The following VASH1 variants were observed in gnomAD, a reference collection of about 807,000 sequenced individuals.
VASH1 encodes vasohibin 1.
In VASH1, 16 loss-of-function variants were observed where a neutral mutation model predicts 35.0. The observed-to-expected ratio is 0.46, with a 90% CI of 0.31 to 0.70. VASH1 has a LOEUF of 0.70. VASH1 is among the 30% of genes least tolerant of loss of function. The probability of loss-of-function intolerance (pLI) is 0.05; values close to 1 mark genes in which losing one functional copy is unlikely to be tolerated. For synonymous variants in VASH1, 214 were observed against 200.9 expected, an observed-to-expected ratio of 1.07 and a Z score of -0.55; for missense variants, 505 against 510.7, an observed-to-expected ratio of 0.99 and a Z score of 0.11.
intron 6 of VASH1, among the ~76,000 whole-genome samples, chr14:76,778,391 AT>A (rs1451430843): frequency 1.3e-5 from 2 of 152,160 alleles, no homozygotes; most frequent in Non-Finnish European, 2.9e-5. Context: ...GGGCGTGAAT[AT>A]TAGATGGCTT....
chr14:76,778,137 G>A, intron 6 of VASH1, 66 bp downstream of exon 6: 2 of 1,215,850 alleles, frequency 1.6e-6, no homozygotes, highest in Non-Finnish European at 2.2e-6. Context: ...CATCGTGTGG[G>A]TCCCTTTTTT....
Position 76,777,995 on chromosome 14 carries a change from G to A in VASH1, c.949G>A (p.Asp317Asn), listed in dbSNP as rs1232583271. Residue 317 changes from aspartate to asparagine, a missense_variant, in exon 6 of 7, where the codon GAC (aspartate) becomes AAC (asparagine). Asp to Asn is a conservative substitution (Grantham distance 23). Transcript: ENST00000167106. ...KGTGPPSPTK[D>N]RKKDVSSPQR... ...GACGGGCCCTCCCTCTCCCACCAAG[G>A]ACCGGAAGAAGGATGTTTCTTCCCC... The A allele has an allele frequency of 1.3e-6, 2 of 1,547,072 alleles. No individual in the cohort carries two copies. The highest frequency in any genetic ancestry group is 1.7e-6 in the Non-Finnish European group (2 of 1,147,734).
chr14:76,769,280 A>G, intron 1 of VASH1: 1 of 1,286,556 alleles, frequency 7.8e-7, no homozygotes, highest in South Asian at 1.2e-5. Flanking sequence ...GGAAACCTGT[A>G]CTGACTAGGT....
At chr14:76,778,391 A>G (rs1046574432) in intron 6 of VASH1, among the ~76,000 whole-genome samples, 1 of 152,160 alleles carries the variant, frequency 6.6e-6, no homozygotes, top group Non-Finnish European at 1.5e-5. Context: ...GGGCGTGAAT[A>G]TTAGATGGCT....
At chr14:76,767,244 C>CAAGA (rs1555358668) in intron 1 of VASH1, among the ~76,000 whole-genome samples, 2 of 136,222 alleles carry the variant, frequency 1.5e-5, no homozygotes, top group Non-Finnish European at 3.1e-5. Flanking sequence ...AACTCTGTCT[C>CAAGA]AATAAATAAA....
intron 4 of VASH1, 112 bp from the exon 5 acceptor site, chr14:76,775,780 T>C (rs2140185797): frequency 7.0e-7 from 1 of 1,422,838 alleles, no homozygotes; most frequent in East Asian, 2.5e-5. Context: ...AGGACTGGTG[T>C]CTGCACCCCA....
chr14:76,769,916 C>T, intron 1 of VASH1, 47 bp from the exon 2 acceptor site: 2 of 1,597,910 alleles, frequency 1.3e-6, no homozygotes, highest in Non-Finnish European at 1.7e-6. Flanking sequence ...ACTGGAAGCT[C>T]CAAGGTGAGC....
intron 3 of VASH1, 86 bp from the exon 4 acceptor site, chr14:76,773,051 T>A (rs1191702191): frequency 1.5e-6 from 2 of 1,356,132 alleles, no homozygotes; most frequent in Non-Finnish European, 2.1e-6. Flanking sequence ...TTCTAGCATT[T>A]CTAGTCCACC....
chr14:76,770,254 T>G (rs117014346), intron 2 of VASH1, among the ~76,000 whole-genome samples: 190 of 152,120 alleles, frequency 1.2e-3, no homozygotes, highest in Middle Eastern at 3.4e-3. Flanking sequence ...GTCTGATGAG[T>G]GCAGGGCCCA....
chr14:76,767,892 C>T (rs552920324), intron 1 of VASH1, among the ~76,000 whole-genome samples: 1 of 152,224 alleles, frequency 6.6e-6, no homozygotes, highest in Non-Finnish European at 1.5e-5. Context: ...CCTTTGTCTG[C>T]ACAGCAGGTG....
chr14:76,778,005 A>G lies in VASH1; in HGVS notation c.959A>G (p.Lys320Arg). 6.5e-7 allele frequency: 1 copy of G among 1,548,994 alleles called. No homozygotes were observed. Among genetic ancestry groups the G allele is most frequent in the East Asian group, 2.6e-5 (1 of 38,968 alleles). The change falls in exon 6 of 7, where the codon AAG (lysine) becomes AGG (arginine). Residue 320 changes from lysine to arginine, a missense_variant. Transcript: ENST00000167106. ...CCCTCTCCCACCAAGGACCGGAAGA[A>G]GGATGTTTCTTCCCCGCAGCGGGCC... The part of the protein sequence containing the change: ...GPPSPTKDRK[K>R]DVSSPQRAQS...
rs551335670 is a variant in VASH1 at position 76,779,653 on chromosome 14, G to A, written c.*635G>A. The A allele has an allele frequency of 7.1e-4, 429 of 607,334 alleles. 7 individuals are homozygous for A. In the South Asian group the frequency reaches 8.1e-3, roughly 12 times the overall value. The allele number at this position is 607,334 out of a possible 1,614,324, so 37.6% of individuals were successfully genotyped here. A position where few individuals can be genotyped will look rare whatever the true frequency, so the allele number is the denominator to read the frequency against. On this transcript the variant is annotated 3_prime_UTR_variant, in exon 7 of 7. Coordinates refer to ENST00000167106, the MANE Select transcript of VASH1 (RefSeq NM_014909.5). ...GCCTTCAGGCCCTTGAGGCCCCCAT[G>A]GGCAGTGCTGTGTGGGCAGAGGAGG...
At chr14:76,765,018 C>T (rs1893604932) in intron 1 of VASH1, among the ~76,000 whole-genome samples, 1 of 152,128 alleles carries the variant, frequency 6.6e-6, no homozygotes, top group African/African-American at 2.4e-5. Context: ...TACTTATGTG[C>T]TTTATCAAGC....
chr14:76,774,051 G>C (rs1566685428), intron 4 of VASH1: 1 of 152,212 alleles, frequency 6.6e-6, no homozygotes, highest in Non-Finnish European at 1.5e-5. Flanking sequence ...AGCCCACTGG[G>C]CTCAGTGCTG....
At chr14:76,767,847 GAC>G (rs944773717) in intron 1 of VASH1, among the ~76,000 whole-genome samples, 2 of 152,176 alleles carry the variant, frequency 1.3e-5, no homozygotes, top group Non-Finnish European at 2.9e-5. Context: ...GTATTTTCTT[GAC>G]CTTCCTTCTC....
intron 5 of VASH1, among the ~76,000 whole-genome samples, 162 bp downstream of exon 5, chr14:76,776,435 G>C (rs542574928): frequency 3.2e-4 from 49 of 152,304 alleles, no homozygotes; most frequent in Non-Finnish European, 6.2e-4. Context: ...GGGGTGGGCA[G>C]ACCAGGACGG....
Position 76,779,113 on chromosome 14 carries a change from C to A in VASH1, c.*95C>A. On this transcript the variant is annotated 3_prime_UTR_variant, in exon 7 of 7. Transcript: ENST00000167106. ...TGCATGGGGAAGGCGGGGCTGGTGA[C>A]AAGGCAGGGCAAGAGGCTGCAGGAA... is the stretch of plus-strand genomic sequence containing the variant. 7.5e-7 allele frequency: 1 copy of A among 1,329,042 alleles called. No homozygotes were observed. Among genetic ancestry groups the A allele is most frequent in the Non-Finnish European group, 1.1e-6 (1 of 931,962 alleles). 82.3% of individuals were successfully genotyped at this position (1,329,042 alleles called of 1,614,324 possible).
intron 1 of VASH1, among the ~76,000 whole-genome samples, chr14:76,768,297 T>G (rs1421967314): frequency 6.6e-6 from 1 of 152,188 alleles, no homozygotes; most frequent in Non-Finnish European, 1.5e-5. Flanking sequence ...TTTATCTTGC[T>G]GGTGACTGTA....
chr14:76,775,088 A>G (rs142752053), intron 4 of VASH1, among the ~76,000 whole-genome samples: 50 of 152,328 alleles, frequency 3.3e-4, no homozygotes, highest in Non-Finnish European at 6.2e-4. Context: ...GCCCGGCTTG[A>G]TGCTGGGCCC....
Sources: allele counts gnomAD v4.1 joint callset (sites outside exome capture counted in the v4.1 genomes callset), GRCh38; gene constraint gnomAD v4.1.1; transcripts MANE v1.5; gene names NCBI Gene and HGNC (gene_info 2026-07-23, HGNC 2026-07-21).